The following LAMB3 variants were observed in gnomAD, a reference collection of about 807,000 sequenced individuals.
The protein encoded by LAMB3 is laminin subunit beta 3, also known as laminin subunit beta-3.
Under a neutral mutation model 140.3 loss-of-function variants are expected in LAMB3, and 104 were observed. The observed-to-expected ratio is 0.74, with a 90% CI of 0.63 to 0.87. The LOEUF (loss-of-function observed/expected upper bound fraction) is 0.87. Ranked by LOEUF, LAMB3 falls within the 40% of genes least tolerant of loss-of-function variation. LAMB3 has a pLI of 0.00. For missense variants in LAMB3, 1,531 were observed against 1,575.2 expected (o/e 0.97, Z 0.47); for synonymous variants, 592 against 602.9 (o/e 0.98, Z 0.26).
At chr1:209,647,351 G>C (rs765090257) in intron 3 of LAMB3, among the ~76,000 whole-genome samples, 2 of 152,244 alleles carry the variant, frequency 1.3e-5, no homozygotes, top group Non-Finnish European at 2.9e-5. Context: ...AGTCTCTACT[G>C]CTCCTGTAAC....
chr1:209,622,478 G>A lies in LAMB3; in HGVS notation c.2701+58C>T, dbSNP rs1666233750. On this transcript the variant is annotated intron_variant, in intron 18 of 22. Coordinates refer to ENST00000356082, the MANE Select transcript of LAMB3 (RefSeq NM_000228.3). The stretch of plus-strand genomic sequence containing the variant: ...GGGCTGGCTGATGCACTGAACATGG[G>A]AATGCGGGACAGGCAGGACTGGAAC... 4.4e-6 allele frequency: 7 copies of A among 1,602,436 alleles called. No individual in the cohort carries two copies. The South Asian group carries it at 5.5e-5, about 13-fold the overall frequency.
At position 209,615,266 on chromosome 1, in the gene LAMB3, T is replaced by C. The variant is rs1665910723; in HGVS notation, c.*5A>G. 1.9e-6 allele frequency: 3 copies of C among 1,614,120 alleles called. No individual in the cohort carries two copies. Among genetic ancestry groups the C allele is most frequent in the Non-Finnish European group, 2.5e-6 (3 of 1,180,026 alleles). On this transcript the variant is annotated 3_prime_UTR_variant, in exon 23 of 23. Coordinates refer to ENST00000356082, the MANE Select transcript of LAMB3 (RefSeq NM_000228.3). ...GAGTGGGGCAACGGGCTGGAAGCTG[T>C]AGCATCACTTGCAGGTGGCATAGTA...
chr1:209,619,372 C>T (rs930555823), intron 18 of LAMB3, among the ~76,000 whole-genome samples: 1 of 152,166 alleles, frequency 6.6e-6, no homozygotes, highest in Admixed American at 6.5e-5. Context: ...CAGCTATATC[C>T]CCAGACCCCA....
chr1:209,616,894 C>T (rs745456489), intron 21 of LAMB3, among the ~76,000 whole-genome samples: 2 of 152,194 alleles, frequency 1.3e-5, no homozygotes, highest in Non-Finnish European at 2.9e-5. Flanking sequence ...TAATAGTAGG[C>T]TGTCACTTAA....
rs531544132 is a variant in LAMB3 at position 209,639,896 on chromosome 1, C to T, written c.184-1248G>A. On this transcript the variant is annotated intron_variant, in intron 3 of 22. Coordinates refer to ENST00000356082, the MANE Select transcript of LAMB3 (RefSeq NM_000228.3). ...AACTGTCCCTCCACACACCCTGTAC[C>T]GCTGCTTTCCTCTAAGCCTCCACTC... 3.3e-5 allele frequency among the ~76,000 whole-genome samples: 5 copies of T among 152,332 alleles called. No homozygotes were observed. The South Asian group carries it at 6.2e-4, about 19-fold the overall frequency.
rs1364294708 is a variant in LAMB3 at position 209,616,529 on chromosome 1, C to T, written c.3324G>A (p.Val1108=). ...CAAACAGCTCCTCTGCCTCTGTCTT[C>T]ACACTCTGGATCCGGGCACCCTGCT... The part of the protein sequence containing the change: ...LGEQGARIQS[V]KTEAEELFGE... Residue 1108 remains valine, a synonymous_variant, in exon 22 of 23, where the codon GTG becomes GTA. Transcript: ENST00000356082. The T allele has an allele frequency of 1.2e-6, 2 of 1,614,238 alleles. No homozygotes were observed. Among genetic ancestry groups the T allele is most frequent in the Admixed American group, 3.3e-5 (2 of 60,024 alleles).
chr1:209,634,780 A>T, intron 5 of LAMB3, 142 bp from the exon 6 acceptor site: 1 of 673,436 alleles, frequency 1.5e-6, no homozygotes, highest in Non-Finnish European at 2.6e-6. Context: ...ATCCGGGTCC[A>T]AACCTCCTGG....
chr1:209,645,574 G>C (rs1349614289), intron 3 of LAMB3, among the ~76,000 whole-genome samples: 1 of 152,012 alleles, frequency 6.6e-6, no homozygotes, highest in African/African-American at 2.4e-5. Flanking sequence ...AAATCAACTG[G>C]GCATGGTGGC....
intron 20 of LAMB3, 116 bp downstream of exon 20, chr1:209,617,790 CT>C: frequency 7.1e-7 from 1 of 1,413,180 alleles, no homozygotes; most frequent in Non-Finnish European, 1.0e-6. Flanking sequence ...GCTTGTCACT[CT>C]CCTCTAGAAC....
At chr1:209,621,957 G>A (rs742257) in intron 18 of LAMB3, among the ~76,000 whole-genome samples, 50,639 of 152,128 alleles carry the variant, frequency 0.33, 8,526 homozygotes, top group African/African-American at 0.36. Flanking sequence ...AACTGAATGA[G>A]GGTGAGTAGT....
chr1:209,635,489 G>A (rs137913363), intron 5 of LAMB3, among the ~76,000 whole-genome samples: 266 of 152,204 alleles, frequency 1.7e-3, no homozygotes, highest in Middle Eastern at 6.8e-3. Context: ...TGCAACCTCC[G>A]CCTCCTAGGT....
chr1:209,633,797 T>C (rs1017523138), intron 6 of LAMB3, among the ~76,000 whole-genome samples: 3 of 152,194 alleles, frequency 2.0e-5, no homozygotes, highest in African/African-American at 7.2e-5. Context: ...GGCTCACCTG[T>C]GTCTCAGCCA....
rs368561455 is a variant in LAMB3, at chr1:209,623,828, C to T, written c.2137+12G>A. 1.6e-5 allele frequency: 26 copies of T among 1,614,172 alleles called. No individual in the cohort carries two copies. Among genetic ancestry groups the T allele is most frequent in the Non-Finnish European group, 2.1e-5 (25 of 1,180,026 alleles). ...CCCATGCCCGGGGTTATCCGGGTGC[C>T]CCTCTCCTCACCTGAAGGATCAGCA... On this transcript the variant is annotated intron_variant, in intron 15 of 22. Coordinates refer to ENST00000356082, the MANE Select transcript of LAMB3 (RefSeq NM_000228.3). The surrounding 1 kb of genome is among the most constrained non-coding windows in gnomAD (Gnocchi z 4.2).
chr1:209,630,472 G>T, intron 9 of LAMB3, 143 bp downstream of exon 9: 1 of 949,890 alleles, frequency 1.1e-6, no homozygotes, highest in Non-Finnish European at 1.6e-6. Context: ...AGCCAGGAGA[G>T]CTTGAATTGT....
At chr1:209,629,486 A>G (rs1666596070) in intron 10 of LAMB3, among the ~76,000 whole-genome samples, 1 of 152,124 alleles carries the variant, frequency 6.6e-6, no homozygotes, top group African/African-American at 2.4e-5. Context: ...TCTTATGTTT[A>G]CTTTTTTCTT....
At position 209,625,782 on chromosome 1, in the gene LAMB3, C is replaced by T. The variant is rs753583338; in HGVS notation, c.1842G>A (p.Gly614=). The T allele has an allele frequency of 6.2e-7, 1 of 1,614,178 alleles. No homozygotes were observed. The highest frequency in any genetic ancestry group is 1.3e-5 in the African/African-American group (1 of 75,060). The part of the protein sequence containing the change: ...NATASLWSGP[G]LEDRGLASRI... ...GGGAGGCCAGGCCACGGTCCTCCAG[C>T]CCAGGCCCTGACCACAGGCTGGCGG... The change falls in exon 14 of 23, where the codon GGG becomes GGA. Residue 614 remains glycine (G), a synonymous_variant. Transcript: ENST00000356082.
Position 209,616,483 on chromosome 1 carries a change from C to T in LAMB3, c.3370G>A (p.Asp1124Asn). Residue 1124 changes from aspartate (D) to asparagine (N), a missense_variant, in exon 22 of 23, where the codon GAC becomes AAC. Physicochemically the swap from Asp to Asn is conservative, Grantham distance 23 (BLOSUM62 1). Transcript: ENST00000356082. The part of the protein sequence containing the change: ...ELFGETMEMM[D>N]RMKDMELELL... ...ACCATTCCCTCACCTTTCATCCTGT[C>T]CATCATCTCCATGGTCTCCCCAAAC... 1 of 1,614,136 alleles carries T rather than the reference C, an allele frequency of 6.2e-7. No homozygotes were observed. Among genetic ancestry groups the T allele is most frequent in the Non-Finnish European group, 8.5e-7 (1 of 1,180,006 alleles).
chr1:209,639,302 G>A (rs1219676350), intron 3 of LAMB3, among the ~76,000 whole-genome samples: 2 of 152,182 alleles, frequency 1.3e-5, no homozygotes, highest in Admixed American at 6.5e-5. Flanking sequence ...AGTTACAATA[G>A]GGAACAAAAC....
intron 22 of LAMB3, among the ~76,000 whole-genome samples, chr1:209,616,240 A>G (rs1175528168): frequency 6.6e-6 from 1 of 152,154 alleles, no homozygotes; most frequent in East Asian, 1.9e-4. Flanking sequence ...TGTTTGCAAA[A>G]ACAGAGAAAA....
Sources: gnomAD v4.1 joint callset for allele counts (sites outside exome capture counted in the v4.1 genomes callset) on GRCh38, gnomAD v4.1.1 for gene constraint, Gnocchi (gnomAD v3.1) non-coding constraint, MANE v1.5 for transcripts, NCBI Gene and HGNC (gene_info 2026-07-23, HGNC 2026-07-21) for gene names.